The following CPQ variants were observed in gnomAD, a reference collection of about 807,000 sequenced individuals.
CPQ encodes the protein Ser-Met dipeptidase.
CPQ carries 37 observed loss-of-function variants against 45.7 expected under a neutral mutation model. The observed-to-expected ratio is 0.81, with a 90% CI of 0.62 to 1.07. The LOEUF is 1.07. Among genes scored for constraint, CPQ ranks in the 50% least tolerant of loss-of-function variants. CPQ has a pLI of 0.00. For missense variants in CPQ, 537 were observed against 572.9 expected (o/e 0.94, Z 0.64); for synonymous variants, 186 against 205.8 (o/e 0.90, Z 0.82).
At chr8:96,734,980 T>C (rs1406511247) in intron 1 of CPQ, among the ~76,000 whole-genome samples, 2 of 152,018 alleles carry the variant, frequency 1.3e-5, no homozygotes, top group Non-Finnish European at 2.9e-5. Context: ...TTCTCTCTCT[T>C]TCTGTTTCTC....
chr8:96,951,629 A>G (rs1248017483), intron 4 of CPQ, among the ~76,000 whole-genome samples: 1 of 152,094 alleles, frequency 6.6e-6, no homozygotes. Context: ...TTCACGGTGT[A>G]TGGATGTTTT....
At chr8:97,019,955 C>T (rs2130453162) in intron 5 of CPQ, among the ~76,000 whole-genome samples, 1 of 152,206 alleles carries the variant, frequency 6.6e-6, no homozygotes, top group East Asian at 1.9e-4. Context: ...GAACTTTCTC[C>T]AAGATAGACC....
Position 96,926,567 on chromosome 8 carries a change from TTCCTCTTCC to T in CPQ, c.850-39365_850-39357del, listed in dbSNP as rs199544264. 6.3e-3 allele frequency among the ~76,000 whole-genome samples: 735 copies of T among 117,454 alleles called. 3 individuals are homozygous for T. The highest frequency in any genetic ancestry group is 8.6e-3 in the South Asian group (32 of 3,734). 77.1% of individuals were successfully genotyped at this position (117,454 alleles called of 152,430 possible). A position where few individuals can be genotyped will look rare whatever the true frequency, so the allele number is the denominator to read the frequency against. On this transcript the variant is annotated intron_variant, in intron 4 of 7. Transcript: ENST00000220763. ...CTTCCTCTTCCTCTTCCTCTTCCTC[TTCCTCTTCC>T]TCTTCTTCTTCTTCTTCTTCTTCTT... is the stretch of plus-strand genomic sequence containing the variant.
At chr8:96,680,023 A>G (rs1809129012) in intron 1 of CPQ, among the ~76,000 whole-genome samples, 2 of 152,040 alleles carry the variant, frequency 1.3e-5, no homozygotes, top group East Asian at 1.9e-4. Context: ...TTTATTTGAA[A>G]TCTTTCTACT....
chr8:96,940,951 T>C (rs1236612614), intron 4 of CPQ, among the ~76,000 whole-genome samples: 1 of 152,156 alleles, frequency 6.6e-6, no homozygotes, highest in African/African-American at 2.4e-5. Flanking sequence ...TCCCCAAATC[T>C]TGGGAACTGG....
At chr8:97,116,419 C>T (rs1395019436) in intron 7 of CPQ, among the ~76,000 whole-genome samples, 1 of 152,210 alleles carries the variant, frequency 6.6e-6, no homozygotes, top group Admixed American at 6.5e-5. Flanking sequence ...TTTTTCTAAC[C>T]AAGGTCTTAA....
intron 7 of CPQ, among the ~76,000 whole-genome samples, chr8:97,137,917 A>G (rs868661090): frequency 6.6e-6 from 1 of 151,396 alleles, no homozygotes; most frequent in African/African-American, 2.4e-5. Context: ...TGGCTTTTCT[A>G]CTGGGAAATG....
intron 3 of CPQ, among the ~76,000 whole-genome samples, chr8:96,855,382 T>C (rs535647806): frequency 1.3e-5 from 2 of 152,192 alleles, no homozygotes; most frequent in East Asian, 3.9e-4. Context: ...TGATCTGGTA[T>C]CAGATCATGA....
chr8:96,921,850 C>T (rs969694375), intron 4 of CPQ, among the ~76,000 whole-genome samples: 2 of 152,054 alleles, frequency 1.3e-5, no homozygotes, highest in Admixed American at 1.3e-4. Flanking sequence ...CTATCTTATT[C>T]ATAATTAAAG....
intron 5 of CPQ, among the ~76,000 whole-genome samples, chr8:96,979,221 T>A (rs146829111): frequency 6.6e-6 from 1 of 152,266 alleles, no homozygotes; most frequent in East Asian, 1.9e-4. Context: ...TTGGAGTTGG[T>A]GCTATAGGCA....
chr8:96,958,064 C>T (rs1813386320), intron 4 of CPQ, among the ~76,000 whole-genome samples: 1 of 151,486 alleles, frequency 6.6e-6, no homozygotes, highest in South Asian at 2.1e-4. Context: ...TGGTCTTGAA[C>T]TCCTGGCCTC....
intron 3 of CPQ, among the ~76,000 whole-genome samples, chr8:96,864,200 T>C (rs1271024943): frequency 2.0e-5 from 3 of 151,974 alleles, no homozygotes; most frequent in African/African-American, 7.2e-5. Context: ...TATTCTGGAG[T>C]TGGAGGCCTG....
rs1411994240 is a variant in CPQ at position 96,939,594 on chromosome 8, T to C, written c.850-26341T>C. Among the ~76,000 whole-genome samples, 4 of 152,358 alleles carry C rather than the reference T, an allele frequency of 2.6e-5. No individual in the cohort carries two copies. The East Asian group carries it at 5.8e-4, about 22-fold the overall frequency. ...ATTGCCGTTTTAGTTGTACATAGTC[T>C]TTTACAATTTGCTTTTTTAACATAG... On this transcript the variant is annotated intron_variant, in intron 4 of 7. Coordinates refer to ENST00000220763, the MANE Select transcript of CPQ (RefSeq NM_016134.4).
intron 1 of CPQ, among the ~76,000 whole-genome samples, chr8:96,656,666 A>G (rs887607923): frequency 2.0e-5 from 3 of 152,142 alleles, no homozygotes; most frequent in African/African-American, 7.2e-5. Flanking sequence ...TCATCTCCAC[A>G]TCTCCCGCCT....
chr8:96,862,659 C>G (rs1451272274), intron 3 of CPQ, among the ~76,000 whole-genome samples: 1 of 151,956 alleles, frequency 6.6e-6, no homozygotes, highest in Non-Finnish European at 1.5e-5. Context: ...TAGATATGAA[C>G]CATGGTGTCA....
chr8:96,826,495 C>T (rs969802232), intron 2 of CPQ, among the ~76,000 whole-genome samples: 13 of 151,968 alleles, frequency 8.6e-5, no homozygotes, highest in Non-Finnish European at 8.8e-5. Context: ...ATATATCTGC[C>T]GATTAGTAGT....
intron 5 of CPQ, among the ~76,000 whole-genome samples, chr8:96,993,674 C>T (rs539939397): frequency 1.3e-4 from 20 of 151,950 alleles, no homozygotes; most frequent in Non-Finnish European, 2.6e-4. Context: ...CGATATTATG[C>T]TTAGATGCAT....
intron 3 of CPQ, among the ~76,000 whole-genome samples, chr8:96,851,694 G>A (rs1043043652): frequency 2.6e-5 from 4 of 152,114 alleles, no homozygotes; most frequent in Non-Finnish European, 4.4e-5. Context: ...GTCAACACCT[G>A]TATTTTGGAG....
chr8:97,037,379 G>A (rs1004955483), intron 6 of CPQ, among the ~76,000 whole-genome samples: 1 of 152,214 alleles, frequency 6.6e-6, no homozygotes, highest in Admixed American at 6.5e-5. Context: ...TAATAGAGCT[G>A]ATGTACTCAT....
Sources: allele counts gnomAD v4.1 joint callset (sites outside exome capture counted in the v4.1 genomes callset), GRCh38; gene constraint gnomAD v4.1.1; transcripts MANE v1.5; gene names NCBI Gene and HGNC (gene_info 2026-07-23, HGNC 2026-07-21).